The following LRP1B variants were observed in gnomAD, a reference collection of about 807,000 sequenced individuals.
The protein encoded by LRP1B is low-density lipoprotein receptor-related protein 1B.
Under a neutral mutation model 556.6 loss-of-function variants are expected in LRP1B, and 217 were observed. That is an observed-to-expected ratio of 0.39 (90% CI 0.35 to 0.44). LRP1B has a LOEUF of 0.44. Ranked by LOEUF, LRP1B falls within the 20% of genes least tolerant of loss-of-function variation. The probability of loss-of-function intolerance (pLI) is 1.00; values close to 1 mark genes in which losing one functional copy is unlikely to be tolerated. For missense variants in LRP1B, 5,053 were observed against 5,620.8 expected (o/e 0.90, Z 3.23); for synonymous variants, 2,047 against 1,865.8 (o/e 1.10, Z -2.50).
intron 41 of LRP1B, among the ~76,000 whole-genome samples, chr2:140,694,436 A>G (rs1686356004): frequency 6.6e-6 from 1 of 152,198 alleles, no homozygotes; most frequent in Admixed American, 6.5e-5. Context: ...GTCTGTTTAA[A>G]TACCATTGTC....
chr2:141,450,605 G>C (rs1177461146), intron 3 of LRP1B, among the ~76,000 whole-genome samples: 1 of 150,918 alleles, frequency 6.6e-6, no homozygotes, highest in Admixed American at 6.6e-5. Flanking sequence ...TAATTAGGAA[G>C]AACATAAAAA....
intron 86 of LRP1B, among the ~76,000 whole-genome samples, chr2:140,268,814 A>T (rs2104941091): frequency 6.6e-6 from 1 of 152,000 alleles, no homozygotes; most frequent in Non-Finnish European, 1.5e-5. Context: ...GTCTTACTCT[A>T]AGATCTTTCA....
chr2:141,944,686 C>T (rs554741670), intron 1 of LRP1B, among the ~76,000 whole-genome samples: 2 of 152,112 alleles, frequency 1.3e-5, no homozygotes, highest in South Asian at 4.2e-4. Context: ...CATCTTCTAC[C>T]TACAATATGA....
chr2:141,727,839 A>G (rs1427538553), intron 2 of LRP1B, among the ~76,000 whole-genome samples: 1 of 152,106 alleles, frequency 6.6e-6, no homozygotes, highest in South Asian at 2.1e-4. Flanking sequence ...ACACATATAT[A>G]TATCTCACAG....
chr2:141,688,281 G>A (rs536594403), intron 2 of LRP1B, among the ~76,000 whole-genome samples: 8 of 151,594 alleles, frequency 5.3e-5, no homozygotes, highest in South Asian at 2.1e-4. Context: ...ATGTGTTTAC[G>A]TTAATAATAG....
chr2:140,749,788 A>G (rs1688506806), intron 35 of LRP1B, among the ~76,000 whole-genome samples: 1 of 152,236 alleles, frequency 6.6e-6, no homozygotes, highest in South Asian at 2.1e-4. Flanking sequence ...CAGTTAATAC[A>G]TAAACCAGTA....
chr2:141,059,197 CA>C, intron 8 of LRP1B, 143 bp from the exon 9 acceptor site: 2 of 534,148 alleles, frequency 3.7e-6, no homozygotes, highest in Non-Finnish European at 6.3e-6. Flanking sequence ...TCAAGGAGTT[CA>C]ACATTTCCCT....
Position 142,025,541 on chromosome 2 carries a change from AAAG to A in LRP1B, c.82+105104_82+105106del, listed in dbSNP as rs571987885. ...GATAGTGTGGTATTAACTGTGATTG[AAAG>A]AAGGAGATATCAAGTGCTATGTCAG... On this transcript the variant is annotated intron_variant, in intron 1 of 90. Coordinates refer to ENST00000389484, the MANE Select transcript of LRP1B (RefSeq NM_018557.3). Among the ~76,000 whole-genome samples, 603 of 152,262 alleles carry A rather than the reference AAAG, an allele frequency of 4.0e-3. 4 individuals are homozygous for A. Among genetic ancestry groups the A allele is most frequent in the Middle Eastern group, 0.024 (7 of 294 alleles).
intron 3 of LRP1B, among the ~76,000 whole-genome samples, chr2:141,324,622 A>G (rs1165603378): frequency 2.6e-5 from 4 of 152,146 alleles, no homozygotes; most frequent in Non-Finnish European, 5.9e-5. Flanking sequence ...TAAAGGCTGT[A>G]CGTGTTTGAT....
chr2:140,409,640 T>C (rs1684888240), intron 66 of LRP1B, among the ~76,000 whole-genome samples: 1 of 152,036 alleles, frequency 6.6e-6, no homozygotes, highest in Non-Finnish European at 1.5e-5. Context: ...TAACAGCTAA[T>C]ATATATTGAT....
chr2:140,857,576 T>C (rs1006975213), intron 27 of LRP1B, among the ~76,000 whole-genome samples: 5 of 152,156 alleles, frequency 3.3e-5, no homozygotes, highest in Non-Finnish European at 5.9e-5. Context: ...AAGTAAAGCA[T>C]GCTTTACTTT....
At chr2:141,685,252 C>G (rs1691253535) in intron 2 of LRP1B, among the ~76,000 whole-genome samples, 1 of 151,610 alleles carries the variant, frequency 6.6e-6, no homozygotes, top group Non-Finnish European at 1.5e-5. Flanking sequence ...AAATTTTGTC[C>G]CAGGATAGAT....
intron 2 of LRP1B, among the ~76,000 whole-genome samples, chr2:141,500,146 C>G (rs557398329): frequency 9.1e-4 from 138 of 152,190 alleles, no homozygotes; most frequent in African/African-American, 3.2e-3. Context: ...GAGAGGGAGC[C>G]TATTTGAGTC....
chr2:141,027,976 A>G (rs1698262957), intron 11 of LRP1B, among the ~76,000 whole-genome samples: 1 of 152,030 alleles, frequency 6.6e-6, no homozygotes, highest in Admixed American at 6.6e-5. Flanking sequence ...GAGAGAAACA[A>G]ATTTCTGTTG....
chr2:140,724,659 T>C (rs973065744), intron 35 of LRP1B, among the ~76,000 whole-genome samples: 1 of 152,184 alleles, frequency 6.6e-6, no homozygotes, highest in Non-Finnish European at 1.5e-5. Flanking sequence ...CTTTATTCCC[T>C]TGTAGAGAAA....
At chr2:140,690,803 T>A (rs541213714) in intron 41 of LRP1B, among the ~76,000 whole-genome samples, 1 of 152,326 alleles carries the variant, frequency 6.6e-6, no homozygotes, top group African/African-American at 2.4e-5. Context: ...CTTTTATTTT[T>A]ACCCTTTTCC....
intron 1 of LRP1B, among the ~76,000 whole-genome samples, chr2:141,822,126 C>CAGAGAGAGAGAGAGAGAGAG (rs1308046198): frequency 9.6e-5 from 11 of 114,368 alleles, no homozygotes; most frequent in South Asian, 6.3e-4. Context: ...CACACACACA[C>CAGAGAGAGAGAGAGAGAGAG]ACACAGAGAG....
chr2:140,844,651 G>A (rs923941128), intron 29 of LRP1B, among the ~76,000 whole-genome samples: 8 of 152,234 alleles, frequency 5.3e-5, no homozygotes, highest in African/African-American at 1.7e-4. Context: ...AGATCTCTGA[G>A]TAAGTTTCTC....
intron 41 of LRP1B, among the ~76,000 whole-genome samples, chr2:140,676,311 C>T (rs1244426589): frequency 6.6e-6 from 1 of 152,056 alleles, no homozygotes; most frequent in Admixed American, 6.6e-5. Context: ...CTTATTAATA[C>T]AGGAAAAATA....
Sources: allele counts gnomAD v4.1 joint callset (sites outside exome capture counted in the v4.1 genomes callset), GRCh38; gene constraint gnomAD v4.1.1; transcripts MANE v1.5; gene names NCBI Gene and HGNC (gene_info 2026-07-23, HGNC 2026-07-21).